DIP2C: variants seen among roughly 807,000 people sequenced by gnomAD.
The protein encoded by DIP2C is DIP2 acetate--CoA ligase C (putative).
A neutral mutation model predicts 192.4 loss-of-function variants in DIP2C; 33 were observed. The observed-to-expected ratio is 0.17, with a 90% CI of 0.13 to 0.23. The LOEUF is 0.23. DIP2C is among the 10% of genes least tolerant of loss of function. The probability of loss-of-function intolerance (pLI) is 1.00; values close to 1 mark genes in which losing one functional copy is unlikely to be tolerated. For missense variants in DIP2C, 1,537 were observed against 2,110.1 expected (o/e 0.73, Z 5.32); for synonymous variants, 979 against 864.1 (o/e 1.13, Z -2.33).
At chr10:281,390 T>TA (rs909106876) in intron 35 of DIP2C, 67 bp from the exon 36 acceptor site, 211 of 1,352,156 alleles carry the variant, frequency 1.6e-4, no homozygotes, top group Non-Finnish European at 1.9e-4. Flanking sequence ...CTTCTTTTCT[T>TA]AAAAAAAGAT....
In DIP2C at chr10:685,160, AAATATATATATATATATATATATATACAT is replaced by A. The variant is rs1195160952; in HGVS notation, c.85+4305_85+4333del. Among the ~76,000 whole-genome samples, 59 of 29,128 alleles carry A rather than the reference AAATATATATATATATATATATATATACAT, an allele frequency of 2.0e-3. No homozygotes were observed. In the East Asian group the frequency reaches 0.03, roughly 15 times the overall value. The allele number at this position is 29,128 out of a possible 152,430, so 19.1% of individuals were successfully genotyped here. ...CAAAAAAAAAAAAAAAAAAAAAAAA[AAATATATATATATATATATATATATACAT>A]ATATATATATATATATATAAACACA... On this transcript the variant is annotated intron_variant, in intron 1 of 36. Transcript: ENST00000280886.
intron 22 of DIP2C, among the ~76,000 whole-genome samples, chr10:360,378 G>A (rs1031231803): frequency 6.6e-6 from 1 of 152,176 alleles, no homozygotes; most frequent in Non-Finnish European, 1.5e-5. Context: ...AGAGTTGAGA[G>A]GAATCCCAAA....
At chr10:499,767 G>C (rs1298459769) in intron 1 of DIP2C, among the ~76,000 whole-genome samples, 1 of 152,222 alleles carries the variant, frequency 6.6e-6, no homozygotes, top group African/African-American at 2.4e-5. Flanking sequence ...GATGAGATTT[G>C]GGTGGGGATA....
intron 1 of DIP2C, among the ~76,000 whole-genome samples, chr10:659,252 A>T (rs773997985): frequency 1.2e-4 from 19 of 152,208 alleles, no homozygotes; most frequent in Non-Finnish European, 2.5e-4. Context: ...AACATGTAAC[A>T]CATGCACACA....
At chr10:484,495 C>T (rs1050714383) in intron 2 of DIP2C, among the ~76,000 whole-genome samples, 1 of 152,290 alleles carries the variant, frequency 6.6e-6, no homozygotes, top group African/African-American at 2.4e-5. Context: ...TAATTTGTCA[C>T]GCATTCTTCT....
chr10:595,791 C>T lies in DIP2C; in HGVS notation c.85+93703G>A, dbSNP rs190571739. On this transcript the variant is annotated intron_variant, in intron 1 of 36. Coordinates refer to ENST00000280886, the MANE Select transcript of DIP2C (RefSeq NM_014974.3). ...GGGTTTGGTTGGGAAAAAAAATTAA[C>T]GTAAATGATCCTTCGAAGCTCAAGC... Among the ~76,000 whole-genome samples the T allele has an allele frequency of 1.4e-3, 216 of 152,308 alleles. 1 individual carries two copies. The highest frequency in any genetic ancestry group is 4.1e-4 in the Non-Finnish European group (28 of 68,022).
intron 1 of DIP2C, among the ~76,000 whole-genome samples, chr10:534,716 CCGGACTG>C (rs1311685907): frequency 6.7e-6 from 1 of 149,190 alleles, no homozygotes; most frequent in East Asian, 2.0e-4. Context: ...GTCGCCCAGG[CCGGACTG>C]CGGACTGCAG....
intron 1 of DIP2C, among the ~76,000 whole-genome samples, chr10:547,104 G>A (rs1053395714): frequency 1.4e-4 from 22 of 152,174 alleles, no homozygotes; most frequent in East Asian, 1.9e-4. Flanking sequence ...CTCGGAAGAC[G>A]CACCTCTGCA....
At chr10:317,216 G>T (rs1231055637) in intron 31 of DIP2C, among the ~76,000 whole-genome samples, 1 of 152,230 alleles carries the variant, frequency 6.6e-6, no homozygotes, top group East Asian at 1.9e-4. Flanking sequence ...ATGGATTACT[G>T]GTGGGGTGGG....
intron 1 of DIP2C, among the ~76,000 whole-genome samples, chr10:635,681 G>C (rs1459548338): frequency 1.3e-5 from 2 of 152,254 alleles, no homozygotes; most frequent in Non-Finnish European, 1.5e-5. Flanking sequence ...CCAGGAGCCA[G>C]CATCCTGAGC....
At position 532,720 on chromosome 10, in the gene DIP2C, TGA is replaced by T. The variant is rs540626152; in HGVS notation, c.86-46192_86-46191del. 6.2e-4 allele frequency among the ~76,000 whole-genome samples: 65 copies of T among 105,228 alleles called. 2 individuals are homozygous for T. Among genetic ancestry groups the T allele is most frequent in the East Asian group, 3.0e-3 (13 of 4,402 alleles). 69.0% of individuals were successfully genotyped at this position (105,228 alleles called of 152,430 possible). The stretch of plus-strand genomic sequence containing the variant: ...ATGGGTGTGAGAGAGAGTATGGGTG[TGA>T]GAGAGAGTATGGGTGTGAGAGAGAG... On this transcript the variant is annotated intron_variant, in intron 1 of 36. Transcript: ENST00000280886.
intron 4 of DIP2C, among the ~76,000 whole-genome samples, chr10:424,338 A>C (rs918424628): frequency 1.4e-5 from 2 of 146,496 alleles, no homozygotes; most frequent in African/African-American, 5.1e-5. Context: ...GAGCCTGAAA[A>C]TTCTCTATCA....
chr10:446,450 A>C (rs1047278357), intron 3 of DIP2C, among the ~76,000 whole-genome samples: 1 of 152,250 alleles, frequency 6.6e-6, no homozygotes, highest in African/African-American at 2.4e-5. Flanking sequence ...TGTATCTTGC[A>C]TGCTTGCAAA....
intron 17 of DIP2C, among the ~76,000 whole-genome samples, chr10:371,975 T>G (rs1961014205): frequency 6.6e-6 from 1 of 152,066 alleles, no homozygotes; most frequent in Admixed American, 6.5e-5. Context: ...TAGCCAAGAT[T>G]GAGAACACTG....
intron 1 of DIP2C, among the ~76,000 whole-genome samples, chr10:534,599 G>T (rs1438046636): frequency 2.0e-5 from 3 of 152,140 alleles, no homozygotes; most frequent in Non-Finnish European, 1.5e-5. Context: ...CTGTTATTCA[G>T]GAAACTACCT....
At chr10:555,646 A>AG (rs1478761347) in intron 1 of DIP2C, among the ~76,000 whole-genome samples, 1 of 152,164 alleles carries the variant, frequency 6.6e-6, no homozygotes, top group Admixed American at 6.5e-5. Context: ...CAGCCACGTG[A>AG]GGGGAACCTC....
intron 1 of DIP2C, among the ~76,000 whole-genome samples, chr10:530,959 A>G (rs1053207574): frequency 6.6e-6 from 1 of 152,130 alleles, no homozygotes. Context: ...CCGGCCGACC[A>G]GACACCCCAC....
intron 1 of DIP2C, among the ~76,000 whole-genome samples, chr10:606,270 C>A (rs1419800468): frequency 1.3e-5 from 2 of 152,150 alleles, no homozygotes; most frequent in African/African-American, 4.8e-5. Flanking sequence ...GGCCCCAGCA[C>A]GCTCTGTCCG....
intron 10 of DIP2C, among the ~76,000 whole-genome samples, chr10:391,703 T>C (rs551638687): frequency 1.3e-5 from 2 of 152,182 alleles, no homozygotes; most frequent in African/African-American, 4.8e-5. Flanking sequence ...AAATGCCACA[T>C]TGTAGTGAGC....
Sources: allele counts gnomAD v4.1 joint callset (sites outside exome capture counted in the v4.1 genomes callset), GRCh38; gene constraint gnomAD v4.1.1; transcripts MANE v1.5; gene names NCBI Gene and HGNC (gene_info 2026-07-23, HGNC 2026-07-21).